The following NUDT3 variants were observed in gnomAD, a reference collection of about 807,000 sequenced individuals.
NUDT3 encodes nudix hydrolase 3.
NUDT3 carries 9 observed loss-of-function variants against 23.6 expected under a neutral mutation model. The ratio of observed to expected loss-of-function variants is 0.38; its 90% CI spans 0.23 to 0.66. The LOEUF (loss-of-function observed/expected upper bound fraction) is 0.66. NUDT3 is among the 30% of genes least tolerant of loss of function. The probability of loss-of-function intolerance (pLI) is 0.52; values close to 1 mark genes in which losing one functional copy is unlikely to be tolerated. For missense variants in NUDT3, 172 were observed against 218.5 expected (o/e 0.79, Z 1.34); for synonymous variants, 86 against 82.6 (o/e 1.04, Z -0.22).
intron 2 of NUDT3, among the ~76,000 whole-genome samples, chr6:34,318,546 C>T (rs1041875151): frequency 2.6e-5 from 4 of 152,122 alleles, no homozygotes; most frequent in Admixed American, 6.5e-5. Context: ...TCTTACAGGA[C>T]GCTCTATGTT....
At chr6:34,297,760 A>ATTTTTTTTTT (rs1348385184) in intron 2 of NUDT3, among the ~76,000 whole-genome samples, 3 of 53,654 alleles carry the variant, frequency 5.6e-5, no homozygotes, top group Admixed American at 5.2e-4. Context: ...TATATATATA[A>ATTTTTTTTTT]TTTTTTTTTT....
chr6:34,351,216 A>AAAAC (rs1554154825), intron 1 of NUDT3, among the ~76,000 whole-genome samples: 2 of 130,732 alleles, frequency 1.5e-5, no homozygotes, highest in African/African-American at 6.7e-5. Context: ...AAAAAAAAAA[A>AAAAC]AAAAAAAAAA....
chr6:34,327,268 C>T (rs182733510), intron 2 of NUDT3, among the ~76,000 whole-genome samples: 16 of 152,126 alleles, frequency 1.1e-4, no homozygotes, highest in Admixed American at 2.6e-4. Context: ...CGCGGTGGCT[C>T]ACCTGTAATC....
intron 2 of NUDT3, among the ~76,000 whole-genome samples, chr6:34,315,816 T>TGA (rs1239966731): frequency 6.6e-6 from 1 of 152,128 alleles, no homozygotes; most frequent in African/African-American, 2.4e-5. Context: ...ACTTCTCAAG[T>TGA]TTAAGGATTT....
chr6:34,359,747 T>C (rs546900795), intron 1 of NUDT3, among the ~76,000 whole-genome samples: 9 of 152,332 alleles, frequency 5.9e-5, no homozygotes, highest in Non-Finnish European at 7.3e-5. Flanking sequence ...CTACAAATGT[T>C]TGAGTACAAG....
At chr6:34,372,743 G>C (rs984936889) in intron 1 of NUDT3, among the ~76,000 whole-genome samples, 2 of 152,028 alleles carry the variant, frequency 1.3e-5, no homozygotes, top group African/African-American at 2.4e-5. Context: ...GGCAGAGGTT[G>C]TGGTGGGCCC....
At position 34,304,257 on chromosome 6, in the gene NUDT3, A is replaced by G. The variant is rs1242910107; in HGVS notation, c.211-8572T>C. 2.0e-5 allele frequency among the ~76,000 whole-genome samples: 3 copies of G among 151,390 alleles called. No homozygotes were observed. The East Asian group carries it at 5.8e-4, about 29-fold the overall frequency. On this transcript the variant is annotated intron_variant, in intron 2 of 4. Transcript: ENST00000607016. ...CAAGAGTGAAACTCTGTCTCAAAAAAAAAAAAAAAAAAAAGAAAGTTTGCT... is the reference window on the plus strand; with the variant it reads ...CAAGAGTGAAACTCTGTCTCAAAAAGAAAAAAAAAAAAAAGAAAGTTTGCT...
intron 2 of NUDT3, among the ~76,000 whole-genome samples, chr6:34,337,181 C>A (rs1313452850): frequency 6.6e-6 from 1 of 152,154 alleles, no homozygotes; most frequent in Non-Finnish European, 1.5e-5. Flanking sequence ...ACAGACATTT[C>A]TTTATCCTCT....
At chr6:34,333,079 A>C (rs1352727180) in intron 2 of NUDT3, among the ~76,000 whole-genome samples, 6 of 152,212 alleles carry the variant, frequency 3.9e-5, no homozygotes, top group Non-Finnish European at 8.8e-5. Flanking sequence ...AGGCACTGTT[A>C]CTAAAGCCCA....
chr6:34,360,525 G>A (rs1166550352), intron 1 of NUDT3, among the ~76,000 whole-genome samples: 9 of 152,212 alleles, frequency 5.9e-5, no homozygotes, highest in African/African-American at 2.2e-4. Flanking sequence ...CGTGAGCCGA[G>A]ATAATCAAGA....
At chr6:34,388,215 T>C (rs796678820) in intron 1 of NUDT3, among the ~76,000 whole-genome samples, 2 of 152,130 alleles carry the variant, frequency 1.3e-5, no homozygotes, top group South Asian at 4.1e-4. Flanking sequence ...TTCTATGATG[T>C]TTACACAACA....
At chr6:34,318,457 G>T (rs949336131) in intron 2 of NUDT3, among the ~76,000 whole-genome samples, 1 of 151,946 alleles carries the variant, frequency 6.6e-6, no homozygotes, top group African/African-American at 2.4e-5. Flanking sequence ...ACACAAATAC[G>T]TTTTTGTACA....
rs1763344572 is a variant in NUDT3 at position 34,287,076 on chromosome 6, G to C, written c.*1677C>G. On this transcript the variant is annotated 3_prime_UTR_variant, in exon 5 of 5. Coordinates refer to ENST00000607016, the MANE Select transcript of NUDT3 (RefSeq NM_006703.4). Reference sequence around the variant, plus strand: ...TTACAGGTGTGAGCCACCGTGCCCAGTGAGTAGACAGCAAAATTTAAAGTT... The same window carrying C: ...TTACAGGTGTGAGCCACCGTGCCCACTGAGTAGACAGCAAAATTTAAAGTT... The C allele has an allele frequency of 2.6e-5, 4 of 152,208 alleles. No individual in the cohort carries two copies. Among genetic ancestry groups the C allele is most frequent in the Admixed American group, 2.6e-4 (4 of 15,278 alleles). 9.4% of individuals were successfully genotyped at this position (152,208 alleles called of 1,614,324 possible). A position where few individuals can be genotyped will look rare whatever the true frequency, so the allele number is the denominator to read the frequency against.
At chr6:34,381,800 C>T (rs1263883561) in intron 1 of NUDT3, among the ~76,000 whole-genome samples, 1 of 151,954 alleles carries the variant, frequency 6.6e-6, no homozygotes, top group East Asian at 1.9e-4. Flanking sequence ...ATCGGCTGGG[C>T]ACGGTGGCTC....
chr6:34,389,040 G>A (rs774524706), intron 1 of NUDT3, among the ~76,000 whole-genome samples: 5 of 152,214 alleles, frequency 3.3e-5, no homozygotes, highest in Non-Finnish European at 7.3e-5. Flanking sequence ...GGCTGAGATG[G>A]GAGGATCTCT....
intron 2 of NUDT3, among the ~76,000 whole-genome samples, chr6:34,296,765 T>A (rs1470461423): frequency 1.3e-5 from 2 of 152,136 alleles, no homozygotes. Flanking sequence ...TGGCTGTCTG[T>A]ATACAATATG....
At chr6:34,346,953 A>G (rs1263414452) in intron 1 of NUDT3, among the ~76,000 whole-genome samples, 3 of 152,046 alleles carry the variant, frequency 2.0e-5, no homozygotes, top group African/African-American at 7.2e-5. Context: ...CATTTTTTAG[A>G]GATGGGGGTC....
At chr6:34,356,630 A>T (rs909620286) in intron 1 of NUDT3, among the ~76,000 whole-genome samples, 3 of 152,220 alleles carry the variant, frequency 2.0e-5, no homozygotes, top group Non-Finnish European at 4.4e-5. Flanking sequence ...TTTAAGAAAT[A>T]AAAACAGAAC....
At chr6:34,318,512 C>T (rs71567440) in intron 2 of NUDT3, among the ~76,000 whole-genome samples, 1 of 152,234 alleles carries the variant, frequency 6.6e-6, no homozygotes, top group South Asian at 2.1e-4. Context: ...CTAACCTTAT[C>T]TTCAACAAAC....
Sources: allele counts gnomAD v4.1 joint callset (sites outside exome capture counted in the v4.1 genomes callset), GRCh38; gene constraint gnomAD v4.1.1; transcripts MANE v1.5; gene names NCBI Gene and HGNC (gene_info 2026-07-23, HGNC 2026-07-21).